The following GALNT6 variants were observed in gnomAD, a reference collection of about 807,000 sequenced individuals.
GALNT6 encodes the protein polypeptide N-acetylgalactosaminyltransferase 6, also known as GalNAc transferase 6.
In GALNT6, 51 loss-of-function variants were observed where a neutral mutation model predicts 65.9. The ratio of observed to expected loss-of-function variants is 0.77; its 90% CI spans 0.62 to 0.98. The LOEUF (loss-of-function observed/expected upper bound fraction) is 0.98. Among genes scored for constraint, GALNT6 ranks in the 50% least tolerant of loss-of-function variants. GALNT6 has a pLI of 0.00. For synonymous variants in GALNT6, 323 were observed against 315.1 expected, an observed-to-expected ratio of 1.02 and a Z score of -0.26; for missense variants, 708 against 803.3, an observed-to-expected ratio of 0.88 and a Z score of 1.43.
intron 8 of GALNT6, 91 bp from the exon 9 acceptor site, chr12:51,358,352 G>A: frequency 1.4e-6 from 2 of 1,426,990 alleles, no homozygotes; most frequent in Non-Finnish European, 1.9e-6. Flanking sequence ...CCAGGCTGGA[G>A]TGCAGTGGTG....
chr12:51,375,021 C>T (rs1260385723), intron 4 of GALNT6, among the ~76,000 whole-genome samples: 4 of 151,986 alleles, frequency 2.6e-5, no homozygotes, highest in African/African-American at 9.7e-5. Context: ...GGACTACAGG[C>T]ACATGCCGTC....
intron 3 of GALNT6, among the ~76,000 whole-genome samples, chr12:51,377,764 A>G (rs1248215173): frequency 6.6e-6 from 1 of 152,202 alleles, no homozygotes; most frequent in Non-Finnish European, 1.5e-5. Context: ...GGGGTAGGTA[A>G]TAAAGGCCAA....
intron 4 of GALNT6, 103 bp downstream of exon 4, chr12:51,377,092 C>T: frequency 1.1e-6 from 1 of 942,360 alleles, no homozygotes; most frequent in Non-Finnish European, 1.7e-6. Context: ...TGTCAGGCAA[C>T]AGGCTCATGA....
At position 51,357,368 on chromosome 12, in the gene GALNT6, T is replaced by A; in HGVS notation, c.1583A>T (p.His528Leu). The A allele has an allele frequency of 6.2e-7, 1 of 1,613,138 alleles. No homozygotes were observed. The highest frequency in any genetic ancestry group is 8.5e-7 in the Non-Finnish European group (1 of 1,179,134). The change falls in exon 10 of 12, where the codon CAC becomes CTC. Residue 528 changes from histidine (H) to leucine (L), a missense_variant. Transcript: ENST00000356317. ...GGKPLIMYSC[H>L]GLGGNQYFEY... ...GCATACCTGGTTGCCGCCAAGGCCGTGGCAGGAGTACATGATGAGGGGCTT... is the reference window on the plus strand; with the variant it reads ...GCATACCTGGTTGCCGCCAAGGCCGAGGCAGGAGTACATGATGAGGGGCTT...
chr12:51,385,328 T>G (rs1947797970), intron 2 of GALNT6, among the ~76,000 whole-genome samples: 1 of 152,212 alleles, frequency 6.6e-6, no homozygotes, highest in Non-Finnish European at 1.5e-5. Context: ...TTTCAGTCTA[T>G]TAAAGATACA....
Position 51,364,133 on chromosome 12 carries a change from GT to G in GALNT6, c.1036del (p.Thr346ProfsTer60), listed in dbSNP as rs746668719. 4.8e-5 allele frequency: 78 copies of G among 1,613,232 alleles called. No homozygotes were observed. In the Admixed American group the frequency reaches 1.3e-3, roughly 27 times the overall value. On this transcript the variant is annotated frameshift_variant, in exon 6 of 12. Transcript: ENST00000356317. LOFTEE classifies it high-confidence loss of function. ...CTGCGGTCCTTACTTGATGGGGTAG[GT>G]TTCATCCTTGCGCCTCTGCTTCTCA... is the stretch of plus-strand genomic sequence containing the variant. ...PHEKQRRKDE[T>X]YPIKSPTFAG...
At chr12:51,383,150 C>G (rs1347887222) in intron 2 of GALNT6, among the ~76,000 whole-genome samples, 1 of 152,066 alleles carries the variant, frequency 6.6e-6, no homozygotes, top group African/African-American at 2.4e-5. Context: ...AGGAAGGCTT[C>G]GGGGAGGAAA....
intron 2 of GALNT6, among the ~76,000 whole-genome samples, chr12:51,389,053 A>G (rs1947930012): frequency 6.6e-6 from 1 of 152,164 alleles, no homozygotes; most frequent in African/African-American, 2.4e-5. Context: ...CACAATTACA[A>G]CATTGAGCTC....
chr12:51,374,668 C>T (rs537418572), intron 4 of GALNT6, among the ~76,000 whole-genome samples: 1 of 152,300 alleles, frequency 6.6e-6, no homozygotes, highest in South Asian at 2.1e-4. Context: ...GGGAGAGCCC[C>T]AGACACCACA....
At chr12:51,384,509 T>C (rs367556816) in intron 2 of GALNT6, among the ~76,000 whole-genome samples, 5 of 150,860 alleles carry the variant, frequency 3.3e-5, no homozygotes, top group African/African-American at 1.2e-4. Context: ...CTGGCCAACA[T>C]GGTGAAACCC....
intron 6 of GALNT6, among the ~76,000 whole-genome samples, chr12:51,362,897 T>A (rs1366165075): frequency 6.6e-6 from 1 of 151,884 alleles, no homozygotes; most frequent in Non-Finnish European, 1.5e-5. Flanking sequence ...GGGGTCTTGC[T>A]ATGCTGCCCA....
Position 51,358,226 on chromosome 12 carries a change from C to A in GALNT6, c.1404G>T (p.Leu468=). ...AGTTGTGACAGTGCAGTTGTTCCCT[C>A]AGCTGCAGTCGTTCCGAAATGTCAC... ...SFGDISERLQ[L]REQLHCHNFS... Residue 468 remains leucine (L), a synonymous_variant, in exon 9 of 12, where the codon CTG becomes CTT. Coordinates refer to ENST00000356317, the MANE Select transcript of GALNT6 (RefSeq NM_007210.4). 1 of 1,613,846 alleles carries A rather than the reference C, an allele frequency of 6.2e-7. No individual in the cohort carries two copies. The highest frequency in any genetic ancestry group is 8.5e-7 in the Non-Finnish European group (1 of 1,179,964).
chr12:51,364,228 C>T lies in GALNT6; in HGVS notation c.942G>A (p.Arg314=), dbSNP rs1264547122. The T allele has an allele frequency of 6.2e-7, 1 of 1,614,152 alleles. No homozygotes were observed. Among genetic ancestry groups the T allele is most frequent in the Non-Finnish European group, 8.5e-7 (1 of 1,180,008 alleles). ...AGTTGCCTCGGCTATGGACTCTGCC[C>T]CTCTGGACGGGCTTGGCGAACTCAA... ...NTFEFAKPVQ[R]GRVHSRGNFD... The change falls in exon 6 of 12, where the codon AGG becomes AGA. Residue 314 remains arginine, a synonymous_variant. Coordinates refer to ENST00000356317, the MANE Select transcript of GALNT6 (RefSeq NM_007210.4).
At chr12:51,390,640 C>T (rs1289553730) in intron 2 of GALNT6, among the ~76,000 whole-genome samples, 2 of 152,218 alleles carry the variant, frequency 1.3e-5, no homozygotes, top group African/African-American at 2.4e-5. Context: ...CGCAAAAGTC[C>T]TCGAGGCTCT....
chr12:51,376,423 C>T (rs1380439271), intron 4 of GALNT6, among the ~76,000 whole-genome samples: 8 of 151,704 alleles, frequency 5.3e-5, no homozygotes, highest in East Asian at 2.0e-4. Flanking sequence ...TACCTGAGTT[C>T]GGGAGTTCGA....
intron 7 of GALNT6, chr12:51,360,357 G>GT (rs903645353): frequency 3.0e-3 from 469 of 156,194 alleles, no homozygotes; most frequent in Middle Eastern, 6.1e-3. Flanking sequence ...TTACTCATCT[G>GT]TTTTTTTTTT....
rs886092041 is a variant in GALNT6 at position 51,356,631 on chromosome 12, T to G, written c.1603-673A>C. 3.3e-5 allele frequency among the ~76,000 whole-genome samples: 5 copies of G among 152,280 alleles called. No homozygotes were observed. In the East Asian group the frequency reaches 9.6e-4, roughly 29 times the overall value. On this transcript the variant is annotated intron_variant, in intron 10 of 11. Transcript: ENST00000356317. Reference sequence around the variant, plus strand: ...CACCTGCCTCACCCTCCCAAAGTGCTGGGATTACAGGTGTGGGCTACCGTG... The same window carrying G: ...CACCTGCCTCACCCTCCCAAAGTGCGGGGATTACAGGTGTGGGCTACCGTG...
At chr12:51,377,512 T>C in intron 3 of GALNT6, 145 bp from the exon 4 acceptor site, 1 of 685,664 alleles carries the variant, frequency 1.5e-6, no homozygotes, top group Middle Eastern at 4.0e-4. Flanking sequence ...GGAACAGCTG[T>C]TCCCTGTTCC....
intron 4 of GALNT6, among the ~76,000 whole-genome samples, chr12:51,373,096 C>T (rs536526211): frequency 3.7e-4 from 56 of 152,180 alleles, no homozygotes; most frequent in African/African-American, 1.2e-3. Flanking sequence ...AAGGGACTTG[C>T]CTTGTCTCAG....
Sources: gnomAD v4.1 joint callset for allele counts (sites outside exome capture counted in the v4.1 genomes callset) on GRCh38, gnomAD v4.1.1 for gene constraint, MANE v1.5 for transcripts, NCBI Gene and HGNC (gene_info 2026-07-23, HGNC 2026-07-21) for gene names.